PSME3IP1: variants seen among roughly 807,000 people sequenced by gnomAD.
The protein encoded by PSME3IP1 is PSME3-interacting protein.
In PSME3IP1, 13 loss-of-function variants were observed where a neutral mutation model predicts 34.1. The observed-to-expected ratio is 0.38, with a 90% confidence interval of 0.25 to 0.61. The LOEUF is 0.61. Among genes scored for constraint, PSME3IP1 ranks in the 20% least tolerant of loss-of-function variants. PSME3IP1 has a pLI of 0.60. For missense variants in PSME3IP1, 237 were observed against 301.4 expected (o/e 0.79, Z 1.58); for synonymous variants, 93 against 114.3 (o/e 0.81, Z 1.19).
chr16:57,175,889 C>T (rs1248278097), intron 1 of PSME3IP1, among the ~76,000 whole-genome samples: 3 of 152,198 alleles, frequency 2.0e-5, no homozygotes, highest in African/African-American at 4.8e-5. Context: ...CAAACCCAAA[C>T]GTTCAGAACA....
chr16:57,183,480 C>T (rs2146024864), intron 1 of PSME3IP1, among the ~76,000 whole-genome samples: 1 of 152,062 alleles, frequency 6.6e-6, no homozygotes, highest in Admixed American at 6.6e-5. Flanking sequence ...TTGCAGGTGC[C>T]CGCCACCATG....
At chr16:57,181,224 T>C (rs1315794628) in intron 1 of PSME3IP1, among the ~76,000 whole-genome samples, 1 of 152,190 alleles carries the variant, frequency 6.6e-6, no homozygotes, top group Non-Finnish European at 1.5e-5. Context: ...TCTCTGAATA[T>C]AAATACTTCC....
At chr16:57,172,725 G>A (rs3751702) in intron 3 of PSME3IP1, 51 bp downstream of exon 3, 539,966 of 1,371,240 alleles carry the variant, frequency 0.39, 107,909 homozygotes, top group South Asian at 0.49. Context: ...GCAAAAGTGC[G>A]TCAAAAGTAC....
intron 1 of PSME3IP1, chr16:57,178,805 C>T (rs1401128636): frequency 1.4e-5 from 14 of 985,466 alleles, no homozygotes; most frequent in East Asian, 1.1e-4. Flanking sequence ...GAAAGCAGTA[C>T]TTGATGGAGA....
chr16:57,157,179 C>T (rs2070636047), intron 6 of PSME3IP1, among the ~76,000 whole-genome samples: 2 of 151,894 alleles, frequency 1.3e-5, no homozygotes, highest in Non-Finnish European at 2.9e-5. Context: ...TGTGGTGGTG[C>T]ACACTTGTAG....
At chr16:57,155,539 G>A (rs1406189520) in intron 6 of PSME3IP1, among the ~76,000 whole-genome samples, 1 of 152,090 alleles carries the variant, frequency 6.6e-6, no homozygotes, top group African/African-American at 2.4e-5. Flanking sequence ...AGGCCAAGTT[G>A]GGTGGATCAC....
chr16:57,154,234 G>T lies in PSME3IP1; in HGVS notation c.*56C>A. ...TTGAGGGACATAATGCCTATAGGCA[G>T]CATGAACGGTCCGATCTACCCTTGG... On this transcript the variant is annotated 3_prime_UTR_variant, in exon 7 of 7. Transcript: ENST00000309137. The surrounding 1 kb of genome is among the most constrained non-coding windows in gnomAD (Gnocchi z 4.0). 1 of 1,485,374 alleles carries T rather than the reference G, an allele frequency of 6.7e-7. No individual in the cohort carries two copies. The highest frequency in any genetic ancestry group is 9.4e-7 in the Non-Finnish European group (1 of 1,066,066). 92.0% of individuals were successfully genotyped at this position (1,485,374 alleles called of 1,614,324 possible).
intron 1 of PSME3IP1, among the ~76,000 whole-genome samples, chr16:57,182,363 C>A (rs1439553771): frequency 1.3e-5 from 2 of 150,796 alleles, no homozygotes; most frequent in Non-Finnish European, 3.0e-5. Flanking sequence ...CAGAACCTAA[C>A]CCACACCTCA....
intron 2 of PSME3IP1, 107 bp from the exon 3 acceptor site, chr16:57,172,981 GTC>G: frequency 1.3e-6 from 1 of 752,166 alleles, no homozygotes; most frequent in Non-Finnish European, 2.3e-6. Flanking sequence ...ACAAAGTCAA[GTC>G]TCTGCATGAT....
At chr16:57,162,664 CAA>C (rs773301974) in intron 6 of PSME3IP1, among the ~76,000 whole-genome samples, 52 of 55,612 alleles carry the variant, frequency 9.4e-4, no homozygotes, top group Admixed American at 1.4e-3. Context: ...GACCCTGTCT[CAA>C]AAAAAAAAAA....
chr16:57,180,639 G>A (rs1221763189), intron 1 of PSME3IP1, among the ~76,000 whole-genome samples: 1 of 151,724 alleles, frequency 6.6e-6, no homozygotes, highest in Non-Finnish European at 1.5e-5. Context: ...TGGTGCACTA[G>A]CTCACACCTG....
chr16:57,152,744 T>C lies in PSME3IP1; in HGVS notation c.*1546A>G, dbSNP rs2070080572. ...ACAAAGTTTTACCTAAATGTCTTGTTTGTCAGGATGGAGCTGATGCGCCCA... is the reference window on the plus strand; with the variant it reads ...ACAAAGTTTTACCTAAATGTCTTGTCTGTCAGGATGGAGCTGATGCGCCCA... On this transcript the variant is annotated 3_prime_UTR_variant, in exon 7 of 7. Coordinates refer to ENST00000309137, the MANE Select transcript of PSME3IP1 (RefSeq NM_024946.4). 1 of 152,670 alleles carries C rather than the reference T, an allele frequency of 6.6e-6. No homozygotes were observed. The highest frequency in any genetic ancestry group is 1.5e-5 in the Non-Finnish European group (1 of 68,050). The allele number at this position is 152,670 out of a possible 1,614,324, so 9.5% of individuals were successfully genotyped here.
intron 5 of PSME3IP1, 77 bp downstream of exon 5, chr16:57,167,016 G>T: frequency 1.3e-6 from 2 of 1,554,930 alleles, no homozygotes; most frequent in Non-Finnish European, 1.8e-6. Flanking sequence ...GCAAGCGTTG[G>T]CTCTGGCTTC....
At chr16:57,185,380 GCA>G (rs746991547) in intron 1 of PSME3IP1, among the ~76,000 whole-genome samples, 1 of 152,212 alleles carries the variant, frequency 6.6e-6, no homozygotes, top group African/African-American at 2.4e-5. Context: ...GCTTGGCACA[GCA>G]ACTGGTACAT....
chr16:57,182,492 T>C lies in PSME3IP1; in HGVS notation c.-16+3329A>G, dbSNP rs148530088. ...ACTCAGGAGGCTGAGACTGGAGGAC[T>C]GCTTGAGCCTAGGAGTTCAAGGCCA... On this transcript the variant is annotated intron_variant, in intron 1 of 6. Transcript: ENST00000309137. 8.1e-5 allele frequency among the ~76,000 whole-genome samples: 11 copies of C among 135,374 alleles called. No homozygotes were observed. The East Asian group carries it at 2.4e-3, about 29-fold the overall frequency. 88.8% of individuals were successfully genotyped at this position (135,374 alleles called of 152,430 possible).
chr16:57,158,031 C>T (rs934105204), intron 6 of PSME3IP1, among the ~76,000 whole-genome samples: 2 of 152,176 alleles, frequency 1.3e-5, no homozygotes, highest in Non-Finnish European at 2.9e-5. Flanking sequence ...ACCCCCAGGA[C>T]ATATAGCACA....
At chr16:57,160,086 C>T (rs2071040499) in intron 6 of PSME3IP1, among the ~76,000 whole-genome samples, 1 of 151,996 alleles carries the variant, frequency 6.6e-6, no homozygotes, top group Non-Finnish European at 1.5e-5. Flanking sequence ...GTCAGGAGAT[C>T]GAGACCATCC....
At chr16:57,174,686 A>G (rs1373244033) in intron 1 of PSME3IP1, 1 of 985,490 alleles carries the variant, frequency 1.0e-6, no homozygotes, top group Non-Finnish European at 1.2e-6. Flanking sequence ...GTTCAAGTCC[A>G]GTCTGTATAG....
chr16:57,174,307 A>T, intron 1 of PSME3IP1: 10 of 436,272 alleles, frequency 2.3e-5, no homozygotes, highest in African/African-American at 2.2e-5. Context: ...AAAAAAAAAA[A>T]CTCTCAAATA....
Sources: gnomAD v4.1 joint callset for allele counts (sites outside exome capture counted in the v4.1 genomes callset) on GRCh38, gnomAD v4.1.1 for gene constraint, Gnocchi (gnomAD v3.1) non-coding constraint, MANE v1.5 for transcripts, NCBI Gene and HGNC (gene_info 2026-07-23, HGNC 2026-07-21) for gene names.